HTR7: variants seen among roughly 807,000 people sequenced by gnomAD.
The protein encoded by HTR7 is 5-HT-7.
A neutral mutation model predicts 34.0 loss-of-function variants in HTR7; 16 were observed. That is an observed-to-expected ratio of 0.47 (90% CI 0.32 to 0.71). The LOEUF (loss-of-function observed/expected upper bound fraction) is 0.71, where lower values mean the gene tolerates loss of function less well. Among genes scored for constraint, HTR7 ranks in the 30% least tolerant of loss-of-function variants. The pLI, the probability that HTR7 is intolerant of heterozygous loss-of-function variation, is 0.04. For synonymous variants in HTR7, 265 were observed against 260.2 expected, an observed-to-expected ratio of 1.02 and a Z score of -0.18; for missense variants, 504 against 625.5, an observed-to-expected ratio of 0.81 and a Z score of 2.07.
At chr10:90,782,074 A>C (rs1845313393) in intron 1 of HTR7, among the ~76,000 whole-genome samples, 1 of 152,198 alleles carries the variant, frequency 6.6e-6, no homozygotes, top group Non-Finnish European at 1.5e-5. Flanking sequence ...TGCATGGGAC[A>C]TCACAAATAC....
intron 1 of HTR7, among the ~76,000 whole-genome samples, chr10:90,759,383 C>T (rs1017537518): frequency 1.5e-4 from 23 of 151,508 alleles, no homozygotes; most frequent in South Asian, 6.3e-4. Context: ...AGGCCGGGCG[C>T]GGTGGCTCAC....
At chr10:90,766,185 T>C (rs958024588) in intron 1 of HTR7, among the ~76,000 whole-genome samples, 2 of 152,230 alleles carry the variant, frequency 1.3e-5, no homozygotes, top group South Asian at 4.1e-4. Flanking sequence ...ATTTGCTTTA[T>C]ATACTTAGGT....
At chr10:90,745,416 A>G (rs1231270890) in intron 2 of HTR7, among the ~76,000 whole-genome samples, 1 of 152,108 alleles carries the variant, frequency 6.6e-6, no homozygotes, top group African/African-American at 2.4e-5. Flanking sequence ...TTACCTCCTA[A>G]AGAATCCACA....
rs781328540 is a variant in HTR7 at position 90,749,555 on chromosome 10, C to T, written c.579G>A (p.Arg193=). ...GITRPLTYPV[R]QNGKCMAKMI... is the part of the protein sequence containing the mutation. ...TCTTCGCCATGCATTTCCCATTCTG[C>T]CTCACAGGGTATGTGAGGGGCCTTG... The change falls in exon 2 of 4, where the codon AGG becomes AGA. Residue 193 remains arginine, a synonymous_variant. Coordinates refer to ENST00000336152, the MANE Select transcript of HTR7 (RefSeq NM_019859.4). This position sits in a 1 kb window ranked among gnomAD's most constrained non-coding sequence, Gnocchi z 4.2. 1.9e-6 allele frequency: 3 copies of T among 1,613,666 alleles called. No individual in the cohort carries two copies. The highest frequency in any genetic ancestry group is 1.3e-5 in the African/African-American group (1 of 75,030).
intron 1 of HTR7, among the ~76,000 whole-genome samples, chr10:90,769,329 T>C (rs1845071813): frequency 6.6e-6 from 1 of 152,232 alleles, no homozygotes; most frequent in Non-Finnish European, 1.5e-5. Context: ...AAGTTTGGGA[T>C]TAAATTTACT....
chr10:90,770,866 G>C (rs546293853), intron 1 of HTR7, among the ~76,000 whole-genome samples: 14 of 152,332 alleles, frequency 9.2e-5, no homozygotes, highest in Non-Finnish European at 1.6e-4. Context: ...GGGAGGGCCT[G>C]AAGACTGGGG....
chr10:90,814,552 T>C (rs542833846), intron 1 of HTR7, among the ~76,000 whole-genome samples: 1 of 152,056 alleles, frequency 6.6e-6, no homozygotes, highest in East Asian at 1.9e-4. Flanking sequence ...TCCAGGAAGG[T>C]GGAAATTTTT....
intron 1 of HTR7, among the ~76,000 whole-genome samples, chr10:90,824,296 G>A (rs1846034427): frequency 6.6e-6 from 1 of 152,232 alleles, no homozygotes; most frequent in Non-Finnish European, 1.5e-5. Context: ...CTGTCTTGAA[G>A]GAAAGGATGT....
At chr10:90,813,700 G>T (rs1249064860) in intron 1 of HTR7, among the ~76,000 whole-genome samples, 1 of 152,156 alleles carries the variant, frequency 6.6e-6, no homozygotes, top group Non-Finnish European at 1.5e-5. Flanking sequence ...GCCAGCAGCT[G>T]TGCCAATAGG....
At chr10:90,831,526 C>A (rs372756383) in intron 1 of HTR7, among the ~76,000 whole-genome samples, 1 of 152,186 alleles carries the variant, frequency 6.6e-6, no homozygotes, top group Non-Finnish European at 1.5e-5. Flanking sequence ...AGATCTATTG[C>A]AAAAAGCAAA....
In HTR7 at chr10:90,834,080, C is replaced by T. The variant is rs182009648; in HGVS notation, c.539+23053G>A. On this transcript the variant is annotated intron_variant, in intron 1 of 3. Coordinates refer to ENST00000336152, the MANE Select transcript of HTR7 (RefSeq NM_019859.4). Reference sequence around the variant, plus strand: ...AAGAGAATGCGAAAACAGAAAATTTCAAGAATATAGCAAACATCAGGTTTT... The same window carrying T: ...AAGAGAATGCGAAAACAGAAAATTTTAAGAATATAGCAAACATCAGGTTTT... Among the ~76,000 whole-genome samples the T allele has an allele frequency of 8.5e-5, 13 of 152,242 alleles. 1 individual carries two copies. The highest frequency in any genetic ancestry group is 4.4e-5 in the Non-Finnish European group (3 of 68,014).
In HTR7 at chr10:90,749,302, A is replaced by G; in HGVS notation, c.832T>C (p.Phe278Leu). ...KSAAKHKFPG[F>L]PRVEPDSVIA... ...ACGCTGTCTGGCTCCACTCGAGGGA[A>G]GCCAGGAAACTTGTGTTTGGCAGCA... The change falls in exon 2 of 4, where the codon TTC becomes CTC. Residue 278 changes from phenylalanine to leucine, a missense_variant. Around this residue, in one of 4 missense-constraint regions of HTR7, gnomAD observed 57 missense variants for 47.5 expected, o/e 1.20. Transcript: ENST00000336152. This position sits in a 1 kb window ranked among gnomAD's most constrained non-coding sequence, Gnocchi z 4.2. 3 of 1,614,154 alleles carry G rather than the reference A, an allele frequency of 1.9e-6. No individual in the cohort carries two copies. Among genetic ancestry groups the G allele is most frequent in the Non-Finnish European group, 2.5e-6 (3 of 1,180,030 alleles).
chr10:90,839,422 G>C (rs1343717724), intron 1 of HTR7, among the ~76,000 whole-genome samples: 1 of 152,064 alleles, frequency 6.6e-6, no homozygotes, highest in Non-Finnish European at 1.5e-5. Flanking sequence ...TTTGGTAGAT[G>C]GTTCTGCCTC....
intron 1 of HTR7, among the ~76,000 whole-genome samples, chr10:90,819,499 A>G (rs1342085): frequency 0.65 from 99,368 of 152,018 alleles, 34,032 homozygotes; most frequent in African/African-American, 0.89. Context: ...AACAGAGTAC[A>G]TCATCCCTTT....
rs1182856212 is a variant in HTR7 at position 90,741,460 on chromosome 10, GGTGTTCT to G, written c.*1015_*1021del. The G allele has an allele frequency of 1.3e-5, 2 of 152,184 alleles. No homozygotes were observed. The highest frequency in any genetic ancestry group is 2.9e-5 in the Non-Finnish European group (2 of 68,016). 9.4% of individuals were successfully genotyped at this position (152,184 alleles called of 1,614,324 possible). A position where few individuals can be genotyped will look rare whatever the true frequency, so the allele number is the denominator to read the frequency against. ...ACAAATTCTCTAGAAGGAACAGACT[GGTGTTCT>G]GAAGCATTTCCCAAGAGTGGTCCAG... On this transcript the variant is annotated 3_prime_UTR_variant, in exon 4 of 4. Transcript: ENST00000336152.
At position 90,749,733 on chromosome 10, in the gene HTR7, A is replaced by G. The variant is rs749800854; in HGVS notation, c.540-139T>C. ...GCATCATTACTCCCATTTTGCAGAAAGGTAAACTAAGGCTCTGAGATGTTA... is the reference window on the plus strand; with the variant it reads ...GCATCATTACTCCCATTTTGCAGAAGGGTAAACTAAGGCTCTGAGATGTTA... On this transcript the variant is annotated intron_variant, in intron 1 of 3. Transcript: ENST00000336152. The surrounding 1 kb of genome is among the most constrained non-coding windows in gnomAD (Gnocchi z 4.2). 1.4e-4 allele frequency: 100 copies of G among 714,568 alleles called. No individual in the cohort carries two copies. Among genetic ancestry groups the G allele is most frequent in the Non-Finnish European group, 2.2e-4 (96 of 433,940 alleles). 44.3% of individuals were successfully genotyped at this position (714,568 alleles called of 1,614,324 possible). A position where few individuals can be genotyped will look rare whatever the true frequency, so the allele number is the denominator to read the frequency against.
intron 1 of HTR7, among the ~76,000 whole-genome samples, chr10:90,828,617 C>T (rs1846115521): frequency 6.6e-6 from 1 of 152,056 alleles, no homozygotes; most frequent in Non-Finnish European, 1.5e-5. Flanking sequence ...TTCTTAGACA[C>T]ATACAACTTA....
At chr10:90,846,999 CT>C (rs1267469032) in intron 1 of HTR7, among the ~76,000 whole-genome samples, 1 of 152,220 alleles carries the variant, frequency 6.6e-6, no homozygotes, top group African/African-American at 2.4e-5. Flanking sequence ...CTCTGTGTTC[CT>C]GGCATCTGCT....
Position 90,835,239 on chromosome 10 carries a change from A to G in HTR7, c.539+21894T>C, listed in dbSNP as rs557650811. The stretch of plus-strand genomic sequence containing the variant: ...TAACCCAATAAGCTAAACCATCCCC[A>G]TGCTGGAGATGTTCATATAATGAGC... On this transcript the variant is annotated intron_variant, in intron 1 of 3. Transcript: ENST00000336152. Among the ~76,000 whole-genome samples the G allele has an allele frequency of 1.2e-4, 18 of 152,306 alleles. No individual in the cohort carries two copies. The South Asian group carries it at 3.5e-3, about 30-fold the overall frequency.
Sources: gnomAD v4.1 joint callset for allele counts (sites outside exome capture counted in the v4.1 genomes callset) on GRCh38, gnomAD v4.1.1 for gene constraint, gnomAD v4.1.1 regional missense constraint, Gnocchi (gnomAD v3.1) non-coding constraint, MANE v1.5 for transcripts, NCBI Gene and HGNC (gene_info 2026-07-23, HGNC 2026-07-21) for gene names.